ARHGAP18: variants seen among roughly 807,000 people sequenced by gnomAD.
The protein encoded by ARHGAP18 is Rho GTPase activating protein 18, also known as rho GTPase-activating protein 18.
In ARHGAP18, 67 loss-of-function variants were observed where a neutral mutation model predicts 86.2. The observed-to-expected ratio is 0.78, with a 90% CI of 0.64 to 0.95. ARHGAP18 has a LOEUF of 0.95. Ranked by LOEUF, ARHGAP18 falls within the 40% of genes least tolerant of loss-of-function variation. The pLI is 0.00. For missense variants in ARHGAP18, 691 were observed against 780.4 expected (o/e 0.89, Z 1.37); for synonymous variants, 283 against 280.4 (o/e 1.01, Z -0.09).
intron 1 of ARHGAP18, among the ~76,000 whole-genome samples, chr6:129,709,660 G>C (rs1446445649): frequency 6.6e-6 from 1 of 152,244 alleles, no homozygotes; most frequent in Admixed American, 6.5e-5. Flanking sequence ...AACAGTTCCA[G>C]TGGCAGTGCC....
chr6:129,583,897 A>G, intron 13 of ARHGAP18, 91 bp downstream of exon 13: 1 of 1,491,272 alleles, frequency 6.7e-7, no homozygotes, highest in South Asian at 1.3e-5. Context: ...AAACAAAAAA[A>G]AAAAAAAGGA....
chr6:129,649,854 G>A (rs1773667022), intron 1 of ARHGAP18, among the ~76,000 whole-genome samples: 1 of 151,518 alleles, frequency 6.6e-6, no homozygotes, highest in South Asian at 2.1e-4. Context: ...CATAGGTGCT[G>A]GGTTTTTTGT....
intron 12 of ARHGAP18, 123 bp from the exon 13 acceptor site, chr6:129,584,235 A>T: frequency 7.4e-7 from 1 of 1,348,082 alleles, no homozygotes; most frequent in Non-Finnish European, 9.9e-7. Context: ...AAAAACCTTA[A>T]CTACTGTATA....
chr6:129,602,655 T>C (rs1225473519), intron 10 of ARHGAP18, among the ~76,000 whole-genome samples: 2 of 152,266 alleles, frequency 1.3e-5, no homozygotes, highest in African/African-American at 2.4e-5. Flanking sequence ...AGTTAAATTG[T>C]AATCCAAGCA....
chr6:129,668,105 C>G (rs996575991), intron 1 of ARHGAP18, among the ~76,000 whole-genome samples: 1 of 152,194 alleles, frequency 6.6e-6, no homozygotes, highest in Non-Finnish European at 1.5e-5. Flanking sequence ...CCCTAGTCAG[C>G]TACCTGCCAT....
rs762618294 is a variant in ARHGAP18, at chr6:129,634,085, C to T, written c.573G>A (p.Ser191=). 5.2e-5 allele frequency: 84 copies of T among 1,613,128 alleles called. No homozygotes were observed. Among genetic ancestry groups the T allele is most frequent in the South Asian group, 6.6e-5 (6 of 91,026 alleles). ...SKETAPGGTE[S]QSLRTNENKY... is the part of the protein sequence containing the mutation. Reference sequence around the variant, plus strand: ...TGTTTTCATTTGTTCTAAGTGACTGCGATTCAGTGCCACCTGGAGCCTAAA... The same window carrying T: ...TGTTTTCATTTGTTCTAAGTGACTGTGATTCAGTGCCACCTGGAGCCTAAA... The change falls in exon 4 of 15, where the codon TCG becomes TCA. Residue 191 remains serine (S), a synonymous_variant. Coordinates refer to ENST00000368149, the MANE Select transcript of ARHGAP18 (RefSeq NM_033515.3).
intron 5 of ARHGAP18, among the ~76,000 whole-genome samples, chr6:129,622,039 A>G (rs1789239776): frequency 6.6e-6 from 1 of 152,202 alleles, no homozygotes; most frequent in Non-Finnish European, 1.5e-5. Flanking sequence ...CCCCTCAAGG[A>G]GAGGAGCCAC....
At chr6:129,661,662 G>A (rs889038995) in intron 1 of ARHGAP18, among the ~76,000 whole-genome samples, 3 of 152,120 alleles carry the variant, frequency 2.0e-5, no homozygotes, top group African/African-American at 7.2e-5. Flanking sequence ...AGGGGCTTGA[G>A]AACAAGATGT....
At chr6:129,679,355 T>C (rs889458121) in intron 1 of ARHGAP18, among the ~76,000 whole-genome samples, 2 of 152,210 alleles carry the variant, frequency 1.3e-5, no homozygotes, top group Non-Finnish European at 2.9e-5. Flanking sequence ...TATTTTTCCC[T>C]GGCAAGAACA....
intron 7 of ARHGAP18, among the ~76,000 whole-genome samples, chr6:129,612,275 T>C (rs1486000541): frequency 6.6e-6 from 1 of 151,868 alleles, no homozygotes; most frequent in Non-Finnish European, 1.5e-5. Context: ...ACAATAAGAG[T>C]GGTCAGATTC....
intron 1 of ARHGAP18, among the ~76,000 whole-genome samples, chr6:129,644,888 T>C (rs1342525828): frequency 1.3e-5 from 2 of 152,236 alleles, no homozygotes; most frequent in African/African-American, 2.4e-5. Context: ...AAAAATTGAA[T>C]AGCTTAGTGC....
At chr6:129,687,855 T>C (rs1774456552) in intron 1 of ARHGAP18, among the ~76,000 whole-genome samples, 1 of 152,216 alleles carries the variant, frequency 6.6e-6, no homozygotes, top group African/African-American at 2.4e-5. Context: ...ACAACACCAC[T>C]GAGGCACAGA....
rs932944238 is a variant in ARHGAP18, at chr6:129,611,588, C to T, written c.1067G>A (p.Arg356Lys). The change falls in exon 8 of 15, where the codon AGA becomes AAA. Residue 356 changes from arginine (R) to lysine (K), a missense_variant. Transcript: ENST00000368149. ...FQKLISRIEE[R>K]GLETEGLLRI... ...TAAGAGGCCTTCTGTTTCCAAACCT[C>T]TCTCTTCAATTCGAGAAATCAGCTG... is the stretch of plus-strand genomic sequence containing the variant. The T allele has an allele frequency of 6.2e-7, 1 of 1,613,714 alleles. No individual in the cohort carries two copies. Among genetic ancestry groups the T allele is most frequent in the African/African-American group, 1.3e-5 (1 of 75,036 alleles).
intron 12 of ARHGAP18, among the ~76,000 whole-genome samples, chr6:129,588,087 A>G (rs4349831): frequency 0.56 from 84,201 of 151,324 alleles, 24,213 homozygotes; most frequent in African/African-American, 0.7. Flanking sequence ...CAGGCCCCAC[A>G]CAAGTCCGAA....
At chr6:129,648,582 G>A (rs1233792443) in intron 1 of ARHGAP18, among the ~76,000 whole-genome samples, 3 of 151,476 alleles carry the variant, frequency 2.0e-5, no homozygotes, top group Admixed American at 6.6e-5. Flanking sequence ...GACCAGCCTG[G>A]GCAACTAATA....
At position 129,629,509 on chromosome 6, in the gene ARHGAP18, G is replaced by T. The variant is rs1380459151; in HGVS notation, c.630C>A (p.Asn210Lys). The change falls in exon 5 of 15, where the codon AAC becomes AAA. Residue 210 changes from asparagine to lysine, a missense_variant. Asn to Lys is a moderately conservative substitution (Grantham distance 94). Transcript: ENST00000368149. ...KYQGRDDEAS[N>K]LVGEEKLIPP... ...GGATCAGCTTCTCTTCACCAACAAG[G>T]TTAGATGCCTCGTCTAGGGGCCCGG... 1 of 1,611,980 alleles carries T rather than the reference G, an allele frequency of 6.2e-7. No individual in the cohort carries two copies. The highest frequency in any genetic ancestry group is 8.5e-7 in the Non-Finnish European group (1 of 1,179,198).
intron 12 of ARHGAP18, among the ~76,000 whole-genome samples, chr6:129,584,899 A>T (rs766830883): frequency 1.8e-4 from 27 of 152,334 alleles, no homozygotes; most frequent in Non-Finnish European, 2.9e-4. Context: ...TACCCTGTTC[A>T]ATTGAACCAA....
rs71028167 is a variant in ARHGAP18, at chr6:129,613,232, C to CAA, written c.1045-1624_1045-1623dup. Among the ~76,000 whole-genome samples the CAA allele has an allele frequency of 1.6e-3, 147 of 94,084 alleles. 1 individual carries two copies. The highest frequency in any genetic ancestry group is 5.2e-3 in the Middle Eastern group (1 of 194). 61.7% of individuals were successfully genotyped at this position (94,084 alleles called of 152,430 possible). A position where few individuals can be genotyped will look rare whatever the true frequency, so the allele number is the denominator to read the frequency against. ...TGGGCGACAGAGCGAGACTCTGTCT[C>CAA]AAAAAAAAAAAAAAAAAGAAAAGAA... On this transcript the variant is annotated intron_variant, in intron 7 of 14. Transcript: ENST00000368149.
intron 1 of ARHGAP18, among the ~76,000 whole-genome samples, chr6:129,676,273 A>G (rs1330964492): frequency 6.6e-6 from 1 of 152,160 alleles, no homozygotes; most frequent in Non-Finnish European, 1.5e-5. Context: ...AGTGGTAAGG[A>G]CTGTTATTTC....
Sources: allele counts gnomAD v4.1 joint callset (sites outside exome capture counted in the v4.1 genomes callset), GRCh38; gene constraint gnomAD v4.1.1; transcripts MANE v1.5; gene names NCBI Gene and HGNC (gene_info 2026-07-23, HGNC 2026-07-21).